The following MIER3 variants were observed in gnomAD, a reference collection of about 807,000 sequenced individuals.
MIER3 encodes the protein mesoderm induction early response protein 3.
A neutral mutation model predicts 63.2 loss-of-function variants in MIER3; 9 were observed. The ratio of observed to expected loss-of-function variants is 0.14; its 90% CI spans 0.09 to 0.25. MIER3 has a LOEUF of 0.25. Ranked by LOEUF, MIER3 falls within the 10% of genes least tolerant of loss-of-function variation. The pLI, the probability that MIER3 is intolerant of heterozygous loss-of-function variation, is 1.00. For synonymous variants in MIER3, 205 were observed against 224.9 expected, an observed-to-expected ratio of 0.91 and a Z score of 0.79; for missense variants, 512 against 666.2, an observed-to-expected ratio of 0.77 and a Z score of 2.55.
chr5:56,944,807 A>T (rs556906284), intron 3 of MIER3, among the ~76,000 whole-genome samples: 2 of 152,022 alleles, frequency 1.3e-5, no homozygotes, highest in Admixed American at 6.6e-5. Context: ...TGATCCTCCC[A>T]CCTCAGCCTC....
intron 10 of MIER3, among the ~76,000 whole-genome samples, chr5:56,925,883 G>C (rs1749950254): frequency 6.6e-6 from 1 of 151,992 alleles, no homozygotes; most frequent in African/African-American, 2.4e-5. Flanking sequence ...ATGGTATTGG[G>C]GGGGTGGGGA....
Position 56,923,799 on chromosome 5 carries a change from CT to C in MIER3, c.1086del (p.Ala363LeufsTer6). On this transcript the variant is annotated frameshift_variant, in exon 12 of 13. Coordinates refer to ENST00000381199, the MANE Select transcript of MIER3 (RefSeq NM_001297599.2). LOFTEE classifies it high-confidence loss of function. ...GAAGCATTTACCGTCCCACCCAAAG[CT>C]TCTGTTTCATCTACTAAACGATCCA... ...DYMDRLVDET[E>X]ALGGTVNASA... The C allele has an allele frequency of 6.2e-7, 1 of 1,614,198 alleles. No homozygotes were observed. Among genetic ancestry groups the C allele is most frequent in the East Asian group, 2.2e-5 (1 of 44,886 alleles).
At position 56,920,835 on chromosome 5, in the gene MIER3, T is replaced by C. The variant is rs2112051859; in HGVS notation, c.*2293A>G. On this transcript the variant is annotated 3_prime_UTR_variant, in exon 13 of 13. Transcript: ENST00000381199. ...TTATATACAAAAATCTTGCAAATTA[T>C]TGCCTCATTTTAACAAGGAATTAAA... 6.6e-6 allele frequency: 1 copy of C among 152,612 alleles called. No homozygotes were observed. Among genetic ancestry groups the C allele is most frequent in the Admixed American group, 6.5e-5 (1 of 15,298 alleles). 9.5% of individuals were successfully genotyped at this position (152,612 alleles called of 1,614,324 possible).
chr5:56,947,822 C>T (rs1258534633), intron 2 of MIER3, among the ~76,000 whole-genome samples: 3 of 152,150 alleles, frequency 2.0e-5, no homozygotes, highest in African/African-American at 4.8e-5. Context: ...ATAATTCATA[C>T]TTGTTTATAA....
rs1394796367 is a variant in MIER3, at chr5:56,921,104, C to G, written c.*2024G>C. 1 of 152,536 alleles carries G rather than the reference C, an allele frequency of 6.6e-6. No individual in the cohort carries two copies. The highest frequency in any genetic ancestry group is 2.4e-5 in the African/African-American group (1 of 41,442). 9.4% of individuals were successfully genotyped at this position (152,536 alleles called of 1,614,324 possible). A position where few individuals can be genotyped will look rare whatever the true frequency, so the allele number is the denominator to read the frequency against. On this transcript the variant is annotated 3_prime_UTR_variant, in exon 13 of 13. Coordinates refer to ENST00000381199, the MANE Select transcript of MIER3 (RefSeq NM_001297599.2). ...ATGCATAGATAAACTGAATATATTA[C>G]TGCATCAGCTACTGAGAATGGGCAT... is the stretch of plus-strand genomic sequence containing the variant.
At chr5:56,935,065 G>C (rs772147846) in intron 7 of MIER3, among the ~76,000 whole-genome samples, 14 of 152,102 alleles carry the variant, frequency 9.2e-5, no homozygotes, top group Non-Finnish European at 1.8e-4. Context: ...TTTCTTTCCA[G>C]AAGATTATAT....
chr5:56,932,103 G>A (rs1206433862), intron 8 of MIER3, among the ~76,000 whole-genome samples: 2 of 151,944 alleles, frequency 1.3e-5, no homozygotes, highest in Middle Eastern at 6.8e-3. Flanking sequence ...CCAGCCTGGC[G>A]ACAAAAATTA....
intron 1 of MIER3, among the ~76,000 whole-genome samples, chr5:56,951,845 G>C (rs1232213917): frequency 2.6e-5 from 4 of 151,156 alleles, no homozygotes; most frequent in Non-Finnish European, 1.5e-5. Context: ...CGTCCGGCTC[G>C]GTCGCCCGGC....
At position 56,949,321 on chromosome 5, in the gene MIER3, C is replaced by T. The variant is rs376003637; in HGVS notation, c.34+1307G>A. Among the ~76,000 whole-genome samples, 4 of 152,098 alleles carry T rather than the reference C, an allele frequency of 2.6e-5. No homozygotes were observed. The South Asian group carries it at 8.3e-4, about 32-fold the overall frequency. ...TACAGTGAGATTGCCCCATTGCACT[C>T]CAGCCTGCATAACGTCTCAAACAAA... On this transcript the variant is annotated intron_variant, in intron 2 of 12. Transcript: ENST00000381199.
chr5:56,933,705 C>T (rs1044475809), intron 7 of MIER3, among the ~76,000 whole-genome samples: 4 of 152,170 alleles, frequency 2.6e-5, no homozygotes, highest in African/African-American at 7.2e-5. Context: ...TTATCTTATA[C>T]TCTTCTAATG....
rs774353674 is a variant in MIER3 at position 56,922,829 on chromosome 5, T to C, written c.*299A>G. ...GAGGGCAGTGGGGAACACAAAAGAA[T>C]AGAAAAAGAAGGGAGTGGGGAAGAG... On this transcript the variant is annotated 3_prime_UTR_variant, in exon 13 of 13. Coordinates refer to ENST00000381199, the MANE Select transcript of MIER3 (RefSeq NM_001297599.2). The C allele has an allele frequency of 2.1e-5, 7 of 329,338 alleles. No homozygotes were observed. The highest frequency in any genetic ancestry group is 8.1e-5 in the South Asian group (2 of 24,658). 20.4% of individuals were successfully genotyped at this position (329,338 alleles called of 1,614,324 possible). A position where few individuals can be genotyped will look rare whatever the true frequency, so the allele number is the denominator to read the frequency against.
intron 3 of MIER3, among the ~76,000 whole-genome samples, chr5:56,943,832 A>G (rs542309410): frequency 1.3e-5 from 2 of 152,226 alleles, no homozygotes; most frequent in Admixed American, 1.3e-4. Flanking sequence ...GTGATCCATC[A>G]CCTTATCCCG....
intron 1 of MIER3, 88 bp downstream of exon 1, chr5:56,952,006 C>T: frequency 2.7e-6 from 3 of 1,129,460 alleles, no homozygotes; most frequent in South Asian, 5.2e-5. Context: ...GGAAAGAGCC[C>T]CGGATCCCCC....
intron 3 of MIER3, among the ~76,000 whole-genome samples, chr5:56,945,660 CACG>C (rs1485550574): frequency 6.6e-6 from 1 of 152,142 alleles, no homozygotes; most frequent in African/African-American, 2.4e-5. Context: ...TTTTCCATAA[CACG>C]ACGTACTAAA....
chr5:56,944,204 G>C (rs1464727604), intron 3 of MIER3, among the ~76,000 whole-genome samples: 2 of 152,144 alleles, frequency 1.3e-5, no homozygotes, highest in Non-Finnish European at 1.5e-5. Flanking sequence ...GGGCGCGGTG[G>C]CTCACGCCTG....
rs1295665824 is a variant in MIER3 at position 56,950,613 on chromosome 5, G to A, written c.34+15C>T. 6.2e-7 allele frequency: 1 copy of A among 1,613,906 alleles called. No individual in the cohort carries two copies. The highest frequency in any genetic ancestry group is 8.5e-7 in the Non-Finnish European group (1 of 1,179,956). ...CCACTGGGAACCACCGAAGACGTAA[G>A]AAAATAGGACAAACCTGGGCTCGAA... On this transcript the variant is annotated intron_variant, in intron 2 of 12. Coordinates refer to ENST00000381199, the MANE Select transcript of MIER3 (RefSeq NM_001297599.2).
rs1579830441 is a variant in MIER3 at position 56,923,798 on chromosome 5, G to C, written c.1088C>G (p.Ala363Gly). 1 of 1,614,036 alleles carries C rather than the reference G, an allele frequency of 6.2e-7. No individual in the cohort carries two copies. The highest frequency in any genetic ancestry group is 1.7e-5 in the Admixed American group (1 of 59,996). The part of the protein sequence containing the change: ...YMDRLVDETE[A>G]LGGTVNASAL... ...TGAAGCATTTACCGTCCCACCCAAAGCTTCTGTTTCATCTACTAAACGATC... is the reference window on the plus strand; with the variant it reads ...TGAAGCATTTACCGTCCCACCCAAACCTTCTGTTTCATCTACTAAACGATC... Residue 363 changes from alanine to glycine, a missense_variant, in exon 12 of 13, where the codon GCT becomes GGT. Coordinates refer to ENST00000381199, the MANE Select transcript of MIER3 (RefSeq NM_001297599.2).
intron 3 of MIER3, among the ~76,000 whole-genome samples, chr5:56,944,648 G>A (rs558301468): frequency 3.3e-5 from 5 of 152,166 alleles, no homozygotes; most frequent in Non-Finnish European, 7.4e-5. Flanking sequence ...GATACCTTAA[G>A]GCACAGGCTG....
At chr5:56,952,011 T>TC in intron 1 of MIER3, 83 bp downstream of exon 1, 1 of 1,127,718 alleles carries the variant, frequency 8.9e-7, no homozygotes, top group Non-Finnish European at 1.1e-6. Flanking sequence ...GAGCCCCGGA[T>TC]CCCCCAGGCT....
Sources: gnomAD v4.1 joint callset for allele counts (sites outside exome capture counted in the v4.1 genomes callset) on GRCh38, gnomAD v4.1.1 for gene constraint, MANE v1.5 for transcripts, NCBI Gene and HGNC (gene_info 2026-07-23, HGNC 2026-07-21) for gene names.